Variants in FGGY observed in about 807,000 individuals in gnomAD.
FGGY encodes the protein FGGY carbohydrate kinase domain containing, also known as FGGY carbohydrate kinase domain-containing protein.
In FGGY, 72 loss-of-function variants were observed where a neutral mutation model predicts 71.3. The observed-to-expected ratio is 1.01, with a 90% CI of 0.84 to 1.23. The LOEUF is 1.23. Among genes scored for constraint, FGGY ranks in the 50% most tolerant of loss-of-function variants. FGGY has a pLI of 0.00. For missense variants in FGGY, 668 were observed against 682.3 expected (o/e 0.98, Z 0.23); for synonymous variants, 251 against 250.3 (o/e 1.00, Z -0.02).
intron 9 of FGGY, among the ~76,000 whole-genome samples, chr1:59,623,126 T>C (rs955435106): frequency 6.6e-6 from 1 of 152,018 alleles, no homozygotes; most frequent in Non-Finnish European, 1.5e-5. Context: ...GGATAGAAAA[T>C]ATCTGTGCCT....
chr1:59,546,512 ATGATGATGAT>A (rs1262298266), intron 7 of FGGY, among the ~76,000 whole-genome samples: 3 of 146,782 alleles, frequency 2.0e-5, no homozygotes, highest in African/African-American at 7.7e-5. Context: ...GATGATGATG[ATGATGATGAT>A]GATGATGATG....
At chr1:59,345,487 T>C (rs1200368316) in intron 3 of FGGY, among the ~76,000 whole-genome samples, 1 of 152,160 alleles carries the variant, frequency 6.6e-6, no homozygotes, top group African/African-American at 2.4e-5. Context: ...GTGCTCCTTT[T>C]CCAGCTGGTT....
intron 5 of FGGY, among the ~76,000 whole-genome samples, chr1:59,402,030 A>G (rs1252156627): frequency 6.6e-6 from 1 of 152,176 alleles, no homozygotes; most frequent in Admixed American, 6.5e-5. Context: ...CTTACCTCCC[A>G]CTAGGCTATA....
At chr1:59,401,601 A>G (rs2061976730) in intron 5 of FGGY, among the ~76,000 whole-genome samples, 1 of 152,232 alleles carries the variant, frequency 6.6e-6, no homozygotes, top group African/African-American at 2.4e-5. Flanking sequence ...CAGAGATATT[A>G]AGTAACCCTG....
chr1:59,536,094 AT>A (rs1481929992), intron 7 of FGGY, among the ~76,000 whole-genome samples: 1 of 151,672 alleles, frequency 6.6e-6, no homozygotes, highest in Non-Finnish European at 1.5e-5. Context: ...AGCAAGAGTA[AT>A]AAGGAAAAAA....
At chr1:59,751,407 G>A (rs377586174) in intron 14 of FGGY, among the ~76,000 whole-genome samples, 2 of 152,220 alleles carry the variant, frequency 1.3e-5, no homozygotes, top group East Asian at 1.9e-4. Context: ...TTTTGAGTAT[G>A]CATCCTCAGT....
At chr1:59,692,728 C>T (rs538726676) in intron 14 of FGGY, among the ~76,000 whole-genome samples, 12 of 152,132 alleles carry the variant, frequency 7.9e-5, no homozygotes, top group African/African-American at 2.9e-4. Context: ...TCTTATCAGC[C>T]TAGCAATAAT....
intron 14 of FGGY, among the ~76,000 whole-genome samples, chr1:59,693,894 C>T (rs1466420848): frequency 6.6e-6 from 1 of 152,090 alleles, no homozygotes; most frequent in Non-Finnish European, 1.5e-5. Flanking sequence ...ATAGTCTCAG[C>T]TACTCGGGAG....
intron 5 of FGGY, among the ~76,000 whole-genome samples, chr1:59,395,230 A>T (rs753503967): frequency 3.3e-5 from 5 of 152,134 alleles, no homozygotes; most frequent in Non-Finnish European, 7.4e-5. Flanking sequence ...TACAGAGTGC[A>T]TGACACGTGT....
chr1:59,430,853 G>A (rs376332607), intron 5 of FGGY, among the ~76,000 whole-genome samples: 36 of 152,020 alleles, frequency 2.4e-4, no homozygotes, highest in African/African-American at 8.2e-4. Flanking sequence ...AGCCTTAAGG[G>A]CACACTTTTC....
At chr1:59,715,860 A>G (rs1157432250) in intron 14 of FGGY, among the ~76,000 whole-genome samples, 1 of 152,210 alleles carries the variant, frequency 6.6e-6, no homozygotes, top group African/African-American at 2.4e-5. Context: ...AATTTTGCCT[A>G]CTGACTGTTT....
At chr1:59,608,658 C>A (rs948209926) in intron 9 of FGGY, among the ~76,000 whole-genome samples, 1 of 152,084 alleles carries the variant, frequency 6.6e-6, no homozygotes, top group African/African-American at 2.4e-5. Flanking sequence ...CATGGTGAAA[C>A]CTCATCTCTA....
chr1:59,303,020 A>G (rs943054704), intron 1 of FGGY, among the ~76,000 whole-genome samples: 2 of 152,194 alleles, frequency 1.3e-5, no homozygotes, highest in African/African-American at 4.8e-5. Flanking sequence ...ACTGATGAGT[A>G]AAAATTGTAC....
chr1:59,388,031 A>G (rs186033831), intron 5 of FGGY, among the ~76,000 whole-genome samples: 15 of 152,270 alleles, frequency 9.9e-5, no homozygotes, highest in Admixed American at 9.8e-4. Context: ...TTATTATCTC[A>G]GAAAATACTC....
intron 8 of FGGY, among the ~76,000 whole-genome samples, chr1:59,593,434 G>GT (rs886911489): frequency 6.6e-5 from 10 of 152,130 alleles, no homozygotes; most frequent in Admixed American, 1.3e-4. Context: ...CATCTGCTCC[G>GT]TGGCTGCCTG....
chr1:59,487,949 T>C (rs181668040), intron 6 of FGGY, among the ~76,000 whole-genome samples: 1 of 152,254 alleles, frequency 6.6e-6, no homozygotes, highest in East Asian at 1.9e-4. Flanking sequence ...AGCCAGAAAG[T>C]GAATGAAGCA....
chr1:59,683,045 A>G (rs1225690068), intron 14 of FGGY, among the ~76,000 whole-genome samples: 1 of 152,214 alleles, frequency 6.6e-6, no homozygotes, highest in Non-Finnish European at 1.5e-5. Context: ...CTTGCTCTGT[A>G]GGTAATGATA....
Position 59,508,576 on chromosome 1 carries a change from G to C in FGGY, c.671-3735G>C, listed in dbSNP as rs145438455. The stretch of plus-strand genomic sequence containing the variant: ...GCTCTAGTGCCCTCAGTGTACCTCT[G>C]GCTGATAAACTTAGAGTGTGATTTT... On this transcript the variant is annotated intron_variant, in intron 6 of 15. Transcript: ENST00000303721. Among the ~76,000 whole-genome samples the C allele has an allele frequency of 1.5e-3, 222 of 152,262 alleles. 1 individual carries two copies. The highest frequency in any genetic ancestry group is 5.2e-3 in the African/African-American group (214 of 41,544).
chr1:59,640,746 C>A (rs1298195601), intron 11 of FGGY, among the ~76,000 whole-genome samples: 1 of 150,922 alleles, frequency 6.6e-6, no homozygotes, highest in African/African-American at 2.5e-5. Flanking sequence ...AATTAAGTGG[C>A]TACTGACACT....
Sources: gnomAD v4.1 joint callset for allele counts (sites outside exome capture counted in the v4.1 genomes callset) on GRCh38, gnomAD v4.1.1 for gene constraint, MANE v1.5 for transcripts, NCBI Gene and HGNC (gene_info 2026-07-23, HGNC 2026-07-21) for gene names.